Variants in PHYHD1 observed in about 807,000 individuals in gnomAD.
PHYHD1 encodes phytanoyl-CoA dioxygenase domain containing 1.
PHYHD1 carries 42 observed loss-of-function variants against 43.6 expected under a neutral mutation model. That is an observed-to-expected ratio of 0.96 (90% CI 0.75 to 1.25). The LOEUF (loss-of-function observed/expected upper bound fraction) is 1.25. Among genes scored for constraint, PHYHD1 ranks in the 50% most tolerant of loss-of-function variants. The pLI is 0.00. For missense variants in PHYHD1, 342 were observed against 370.8 expected (o/e 0.92, Z 0.64); for synonymous variants, 139 against 143.6 (o/e 0.97, Z 0.23).
chr9:128,933,931 G>C, intron 5 of PHYHD1, 74 bp downstream of exon 5: 1 of 1,605,178 alleles, frequency 6.2e-7, no homozygotes, highest in Non-Finnish European at 8.5e-7. Flanking sequence ...CTGCCCCCTG[G>C]GCTGGAAGCA....
chr9:128,932,153 T>C, intron 4 of PHYHD1, among the ~76,000 whole-genome samples: 1 of 109,180 alleles, frequency 9.2e-6, no homozygotes, highest in South Asian at 2.9e-4. Context: ...TCAGTTCTAT[T>C]ATTATTATTA....
In PHYHD1 at chr9:128,941,659, C is replaced by T; in HGVS notation, c.831-9C>T. ...CACCTCAAGGTTGTTTCTCCTCTAT[C>T]CTCTGCAGGCTCCAGCCAACAGCTG... On this transcript the variant is annotated splice_polypyrimidine_tract_variant and intron_variant, in intron 12 of 12. Coordinates refer to ENST00000372592, the MANE Select transcript of PHYHD1 (RefSeq NM_001100876.2). The T allele has an allele frequency of 6.2e-7, 1 of 1,614,192 alleles. No individual in the cohort carries two copies. The highest frequency in any genetic ancestry group is 1.7e-5 in the Admixed American group (1 of 60,024).
At chr9:128,925,004 G>T (rs568589598) in intron 3 of PHYHD1, among the ~76,000 whole-genome samples, 1 of 152,328 alleles carries the variant, frequency 6.6e-6, no homozygotes, top group East Asian at 1.9e-4. Context: ...AGGGTATGTT[G>T]CACAGGTTGC....
chr9:128,928,609 A>G (rs773867759), intron 4 of PHYHD1, among the ~76,000 whole-genome samples: 5 of 152,104 alleles, frequency 3.3e-5, no homozygotes, highest in African/African-American at 7.2e-5. Flanking sequence ...AGGCTGAGAC[A>G]GGAGAATCGC....
chr9:128,928,829 A>G (rs1226600206), intron 4 of PHYHD1, among the ~76,000 whole-genome samples: 9 of 151,984 alleles, frequency 5.9e-5, no homozygotes, highest in Non-Finnish European at 8.8e-5. Flanking sequence ...ATACTGTGAG[A>G]AAAAAAAAGA....
chr9:128,940,373 C>A lies in PHYHD1; in HGVS notation c.462C>A (p.Ser154=), dbSNP rs1038299235. The change falls in exon 10 of 13, where the codon TCC becomes TCA. Residue 154 remains serine (S), a synonymous_variant. Coordinates refer to ENST00000372592, the MANE Select transcript of PHYHD1 (RefSeq NM_001100876.2). ...ACCCCCCGTGGGCCTGCTTAGTCTCCCCTCATCAGGACGCCTCCTTCCTGT... is the reference window on the plus strand; with the variant it reads ...ACCCCCCGTGGGCCTGCTTAGTCTCACCTCATCAGGACGCCTCCTTCCTGT... ...FKQPHFGGEV[S]PHQDASFLYT... is the part of the protein sequence containing the mutation. The A allele has an allele frequency of 3.1e-6, 5 of 1,614,132 alleles. No homozygotes were observed. The African/African-American group carries it at 4.0e-5, about 13-fold the overall frequency.
intron 4 of PHYHD1, 144 bp downstream of exon 4, chr9:128,927,340 C>G (rs1841162903): frequency 2.2e-6 from 2 of 925,644 alleles, no homozygotes; most frequent in Non-Finnish European, 3.2e-6. Context: ...TCGCTCCTCA[C>G]TGGGAAGTTA....
intron 9 of PHYHD1, among the ~76,000 whole-genome samples, chr9:128,938,593 TTG>T (rs1259442067): frequency 6.6e-6 from 1 of 152,006 alleles, no homozygotes; most frequent in East Asian, 1.9e-4. Flanking sequence ...AGCTAATTTT[TTG>T]TATTTTTAGT....
chr9:128,931,544 A>C (rs1255498160), intron 4 of PHYHD1, among the ~76,000 whole-genome samples: 2 of 150,102 alleles, frequency 1.3e-5, no homozygotes, highest in African/African-American at 4.9e-5. Flanking sequence ...TTTTTTTTTG[A>C]GACGGAGTCT....
At chr9:128,926,179 G>C (rs2131097095) in intron 3 of PHYHD1, among the ~76,000 whole-genome samples, 1 of 152,304 alleles carries the variant, frequency 6.6e-6, no homozygotes, top group Non-Finnish European at 1.5e-5. Context: ...GTGTTTCCAG[G>C]TGACCCAAGC....
At position 128,941,449 on chromosome 9, in the gene PHYHD1, C is replaced by T; in HGVS notation, c.708C>T (p.Ala236=). ...ACCTGCTTGTGTCTCTGCCAGGGGC[C>T]CTGGTCCTCATCCATGGAGAAGTGG... ...LFVPTPVQRG[A]LVLIHGEVVH... Residue 236 remains alanine (A), a synonymous_variant, in exon 12 of 13, where the codon GCC becomes GCT. Transcript: ENST00000372592. The T allele has an allele frequency of 6.2e-7, 1 of 1,613,334 alleles. No homozygotes were observed. Among genetic ancestry groups the T allele is most frequent in the South Asian group, 1.1e-5 (1 of 91,046 alleles).
At position 128,938,421 on chromosome 9, in the gene PHYHD1, T is replaced by G. The variant is rs577813635; in HGVS notation, c.457+643T>G. ...AGGGCTGCATGGGCCTGGGAATCTG[T>G]TTTTTGGGTTTTTTTTTGAGACAGA... On this transcript the variant is annotated intron_variant, in intron 9 of 12. Transcript: ENST00000372592. 7.6e-4 allele frequency among the ~76,000 whole-genome samples: 116 copies of G among 152,002 alleles called. 3 individuals carry two copies. The South Asian group carries it at 0.01, about 14-fold the overall frequency.
chr9:128,932,160 A>ATTT (rs1564540359), intron 4 of PHYHD1, among the ~76,000 whole-genome samples: 1 of 124,480 alleles, frequency 8.0e-6, no homozygotes, highest in African/African-American at 3.4e-5. Context: ...TATTATTATT[A>ATTT]TTATTATTGT....
Position 128,937,775 on chromosome 9 carries a change from G to A in PHYHD1, c.454G>A (p.Glu152Lys), listed in dbSNP as rs1841462032. The change falls in exon 9 of 13, where the codon GAA becomes AAA. Residue 152 changes from glutamate to lysine, a missense_variant. Coordinates refer to ENST00000372592, the MANE Select transcript of PHYHD1 (RefSeq NM_001100876.2). ...YIFKQPHFGG[E>K]VSPHQDASFL... is the part of the protein sequence containing the mutation. ...CTTGCAGCAACCTCACTTTGGCGGT[G>A]AAGGTGAGCTGAGAGCTGTGGGCCC... The A allele has an allele frequency of 1.9e-6, 3 of 1,613,970 alleles. No individual in the cohort carries two copies. The highest frequency in any genetic ancestry group is 2.7e-5 in the African/African-American group (2 of 74,928).
At chr9:128,928,140 G>C (rs567396701) in intron 4 of PHYHD1, among the ~76,000 whole-genome samples, 2 of 152,168 alleles carry the variant, frequency 1.3e-5, no homozygotes, top group Admixed American at 6.6e-5. Flanking sequence ...TACAACAGCC[G>C]GAAGCCATCC....
rs995528258 is a variant in PHYHD1 at position 128,941,888 on chromosome 9, C to T, written c.*175C>T. 6 of 768,712 alleles carry T rather than the reference C, an allele frequency of 7.8e-6. No individual in the cohort carries two copies. The African/African-American group carries it at 1.0e-4, about 13-fold the overall frequency. The allele number at this position is 768,712 out of a possible 1,614,324, so 47.6% of individuals were successfully genotyped here. ...GGGTCAGGGGCTTCCCTAAGATCTT[C>T]ACCTCTCTGCCTCCCTACTGCCCCA... On this transcript the variant is annotated 3_prime_UTR_variant, in exon 13 of 13. Transcript: ENST00000372592.
chr9:128,933,093 C>T (rs972924432), intron 4 of PHYHD1, among the ~76,000 whole-genome samples: 33 of 148,710 alleles, frequency 2.2e-4, no homozygotes, highest in South Asian at 4.3e-4. Flanking sequence ...CCTCGTGATC[C>T]GCCCACCTCG....
At chr9:128,932,216 T>C (rs575721807) in intron 4 of PHYHD1, among the ~76,000 whole-genome samples, 98 of 145,962 alleles carry the variant, frequency 6.7e-4, no homozygotes, top group African/African-American at 2.4e-3. Flanking sequence ...TCTCGCACTG[T>C]CACCCGGGTT....
intron 6 of PHYHD1, 149 bp from the exon 7 acceptor site, chr9:128,936,299 C>T: frequency 9.2e-7 from 1 of 1,084,654 alleles, no homozygotes; most frequent in Non-Finnish European, 1.3e-6. Flanking sequence ...TCCTGTGGAG[C>T]CCATTACTCA....
Sources: gnomAD v4.1 joint callset for allele counts (sites outside exome capture counted in the v4.1 genomes callset) on GRCh38, gnomAD v4.1.1 for gene constraint, MANE v1.5 for transcripts, NCBI Gene and HGNC (gene_info 2026-07-23, HGNC 2026-07-21) for gene names.